Variants in XRCC5 observed in about 807,000 individuals in gnomAD.
XRCC5 encodes the protein X-ray repair cross complementing 5.
In XRCC5, 12 loss-of-function variants were observed where a neutral mutation model predicts 95.7. That is an observed-to-expected ratio of 0.13 (90% CI 0.08 to 0.20). The LOEUF (loss-of-function observed/expected upper bound fraction) is 0.20, where lower values mean the gene tolerates loss of function less well. Among genes scored for constraint, XRCC5 ranks in the 10% least tolerant of loss-of-function variants. The probability of loss-of-function intolerance (pLI) is 1.00; values close to 1 mark genes in which losing one functional copy is unlikely to be tolerated. For missense variants in XRCC5, 595 were observed against 873.9 expected (o/e 0.68, Z 4.02); for synonymous variants, 281 against 290.3 (o/e 0.97, Z 0.33).
chr2:216,175,835 C>G (rs1258591951), intron 16 of XRCC5: 60 of 436,186 alleles, frequency 1.4e-4, no homozygotes, highest in Non-Finnish European at 1.0e-4. Flanking sequence ...CATTACCACA[C>G]AATCTGTGAG....
chr2:216,185,991 A>G (rs368455667), intron 16 of XRCC5, among the ~76,000 whole-genome samples: 2 of 152,232 alleles, frequency 1.3e-5, no homozygotes, highest in Admixed American at 6.5e-5. Flanking sequence ...CAGCATTTCA[A>G]TAAGTAACAT....
chr2:216,175,515 T>G, intron 16 of XRCC5: 1 of 456,212 alleles, frequency 2.2e-6, no homozygotes, highest in Admixed American at 2.5e-5. Context: ...TGTATCATGA[T>G]CATCAAAAGT....
chr2:216,202,518 A>G (rs1038630747), intron 19 of XRCC5, among the ~76,000 whole-genome samples: 2 of 152,172 alleles, frequency 1.3e-5, no homozygotes, highest in Non-Finnish European at 2.9e-5. Flanking sequence ...ATTCATAATC[A>G]CCCAGAATAA....
intron 20 of XRCC5, 146 bp from the exon 21 acceptor site, chr2:216,205,042 T>G: frequency 1.1e-6 from 1 of 921,916 alleles, no homozygotes; most frequent in South Asian, 1.5e-5. Context: ...AATGTTTAAC[T>G]CCTAAAATAA....
At chr2:216,157,003 G>A (rs893155079) in intron 14 of XRCC5, among the ~76,000 whole-genome samples, 2 of 152,178 alleles carry the variant, frequency 1.3e-5, no homozygotes, top group African/African-American at 4.8e-5. Flanking sequence ...TCCTGCCCAG[G>A]CGACCGTCCC....
At chr2:216,185,646 T>C (rs79377161) in intron 16 of XRCC5, among the ~76,000 whole-genome samples, 1,561 of 152,104 alleles carry the variant, frequency 0.01, 27 homozygotes, top group African/African-American at 0.036. Context: ...GCAATTGTCA[T>C]TGGCTACATA....
chr2:216,196,787 C>A (rs1689729857), intron 19 of XRCC5, among the ~76,000 whole-genome samples: 1 of 152,078 alleles, frequency 6.6e-6, no homozygotes, highest in Non-Finnish European at 1.5e-5. Flanking sequence ...AGATGTTAAT[C>A]ACATCTACAA....
At chr2:216,173,584 C>T (rs1689212004) in intron 16 of XRCC5, among the ~76,000 whole-genome samples, 1 of 152,186 alleles carries the variant, frequency 6.6e-6, no homozygotes, top group Non-Finnish European at 1.5e-5. Context: ...TTTATATGTA[C>T]TGAATTCATT....
At chr2:216,152,157 C>T (rs929919891) in intron 14 of XRCC5, among the ~76,000 whole-genome samples, 1 of 152,156 alleles carries the variant, frequency 6.6e-6, no homozygotes. Context: ...AGATTTGGGG[C>T]TCGGCTCAGT....
intron 16 of XRCC5, among the ~76,000 whole-genome samples, chr2:216,181,077 T>C (rs1400252756): frequency 6.6e-6 from 1 of 152,124 alleles, no homozygotes; most frequent in Admixed American, 6.5e-5. Flanking sequence ...CCTCCCAAAG[T>C]GCTGGGAATA....
At position 216,121,766 on chromosome 2, in the gene XRCC5, CAGAG is replaced by C. The variant is rs143953815; in HGVS notation, c.492-291_492-288del. 1.7e-3 allele frequency among the ~76,000 whole-genome samples: 265 copies of C among 152,248 alleles called. 3 individuals carry two copies. The highest frequency in any genetic ancestry group is 6.1e-3 in the African/African-American group (255 of 41,540). ...AAGGCAAATGAAGGTAAAATAGAGACAGAGAGAGTAATCCTTGCCACAGTTGAGA... is the reference window on the plus strand; with the variant it reads ...AAGGCAAATGAAGGTAAAATAGAGACAGAGTAATCCTTGCCACAGTTGAGA... On this transcript the variant is annotated intron_variant, in intron 5 of 20. Transcript: ENST00000392132.
intron 5 of XRCC5, among the ~76,000 whole-genome samples, chr2:216,121,123 A>G (rs1047341399): frequency 1.3e-5 from 2 of 152,180 alleles, no homozygotes; most frequent in Admixed American, 6.5e-5. Context: ...TTCTTTTTCC[A>G]GGATAACTTC....
intron 2 of XRCC5, 54 bp from the exon 3 acceptor site, chr2:216,116,605 A>G (rs1181918886): frequency 6.2e-7 from 1 of 1,606,236 alleles, no homozygotes; most frequent in Non-Finnish European, 8.5e-7. Context: ...TAGGTATTTT[A>G]TTGCTTCCAG....
At chr2:216,118,215 A>C (rs978741482) in intron 4 of XRCC5, among the ~76,000 whole-genome samples, 1 of 150,116 alleles carries the variant, frequency 6.7e-6, no homozygotes, top group Non-Finnish European at 1.5e-5. Flanking sequence ...TCTGTCACCC[A>C]GACTAGAGTG....
chr2:216,151,998 A>C (rs1231776498), intron 14 of XRCC5, among the ~76,000 whole-genome samples: 1 of 152,220 alleles, frequency 6.6e-6, no homozygotes, highest in Non-Finnish European at 1.5e-5. Context: ...AGTGTATATC[A>C]GCACAGAAGA....
chr2:216,198,271 C>T lies in XRCC5; in HGVS notation c.2109+3285C>T, dbSNP rs543329758. 3.1e-3 allele frequency among the ~76,000 whole-genome samples: 472 copies of T among 152,132 alleles called. 2 individuals carry two copies. The highest frequency in any genetic ancestry group is 5.5e-3 in the Non-Finnish European group (376 of 68,006). ...ATACAGTACTCCCTGTCTGCTTCAT[C>T]TCAACAAATGACTTTCTGGCCTAGA... On this transcript the variant is annotated intron_variant, in intron 19 of 20. Transcript: ENST00000392132.
At chr2:216,142,437 G>A (rs1013275739) in intron 13 of XRCC5, among the ~76,000 whole-genome samples, 1 of 152,068 alleles carries the variant, frequency 6.6e-6, no homozygotes, top group African/African-American at 2.4e-5. Flanking sequence ...GAATTGGAAG[G>A]CAGAGATTGG....
At chr2:216,115,008 G>T (rs922702235) in intron 2 of XRCC5, among the ~76,000 whole-genome samples, 3 of 149,840 alleles carry the variant, frequency 2.0e-5, no homozygotes, top group African/African-American at 7.7e-5. Context: ...TGGTTGGGGG[G>T]CGGGGCGGTC....
chr2:216,109,578 G>C, intron 1 of XRCC5, 121 bp downstream of exon 1: 1 of 1,441,504 alleles, frequency 6.9e-7, no homozygotes, highest in Non-Finnish European at 9.5e-7. Context: ...AGATCATGGT[G>C]GTGGGCTCAG....
Sources: gnomAD v4.1 joint callset for allele counts (sites outside exome capture counted in the v4.1 genomes callset) on GRCh38, gnomAD v4.1.1 for gene constraint, MANE v1.5 for transcripts, NCBI Gene and HGNC (gene_info 2026-07-23, HGNC 2026-07-21) for gene names.